FAM167A: variants seen among roughly 807,000 people sequenced by gnomAD.
The protein encoded by FAM167A is family with sequence similarity 167 member A.
A neutral mutation model predicts 14.9 loss-of-function variants in FAM167A; 23 were observed. That is an observed-to-expected ratio of 1.55 (90% CI 1.11 to 2.19). The LOEUF is 2.19. Among genes scored for constraint, FAM167A ranks in the 30% most tolerant of loss-of-function variants. The pLI is 0.00. For missense variants in FAM167A, 401 were observed against 281.5 expected (o/e 1.42, Z -3.04); for synonymous variants, 174 against 117.7 (o/e 1.48, Z -3.10).
At chr8:11,435,569 A>C (rs548824992) in intron 2 of FAM167A, among the ~76,000 whole-genome samples, 3 of 149,996 alleles carry the variant, frequency 2.0e-5, no homozygotes, top group Admixed American at 1.3e-4. Flanking sequence ...AGTCCTGGAG[A>C]CCTCACTCCT....
intron 1 of FAM167A, among the ~76,000 whole-genome samples, chr8:11,446,852 G>C (rs910016470): frequency 1.3e-5 from 2 of 152,230 alleles, no homozygotes; most frequent in Non-Finnish European, 2.9e-5. Flanking sequence ...GAGGTGCCAG[G>C]ATCTGTTTTG....
In FAM167A at chr8:11,421,703, A is replaced by AGACAT. The variant is rs1250012306; in HGVS notation, c.*2665_*2669dup. 1 of 399,046 alleles carries AGACAT rather than the reference A, an allele frequency of 2.5e-6. No individual in the cohort carries two copies. Among genetic ancestry groups the AGACAT allele is most frequent in the African/African-American group, 2.1e-5 (1 of 48,742 alleles). The allele number at this position is 399,046 out of a possible 1,614,324, so 24.7% of individuals were successfully genotyped here. ...AGCTACTGAGCCCCTGAAGGCATCA[A>AGACAT]GACATGACCACGCATGGCAGTGTCG... On this transcript the variant is annotated 3_prime_UTR_variant, in exon 3 of 3. Coordinates refer to ENST00000284486, the MANE Select transcript of FAM167A (RefSeq NM_053279.3).
At chr8:11,431,710 C>T (rs1001554386) in intron 2 of FAM167A, among the ~76,000 whole-genome samples, 16 of 151,630 alleles carry the variant, frequency 1.1e-4, no homozygotes, top group African/African-American at 1.5e-4. Context: ...CAAGCGTGGC[C>T]GCAGGTGCTG....
At chr8:11,461,101 G>A (rs1807520097) in intron 1 of FAM167A, among the ~76,000 whole-genome samples, 1 of 152,188 alleles carries the variant, frequency 6.6e-6, no homozygotes, top group African/African-American at 2.4e-5. Context: ...CCTGGCTCCT[G>A]GGAGCCACAG....
rs908998254 is a variant in FAM167A, at chr8:11,421,905, C to A, written c.*2468G>T. On this transcript the variant is annotated 3_prime_UTR_variant, in exon 3 of 3. Transcript: ENST00000284486. The stretch of plus-strand genomic sequence containing the variant: ...CACAGAGAGCAGGGACTTCACAAAG[C>A]TGAATTAATGTGGTTAGTTGTGTTC... 2.5e-6 allele frequency: 1 copy of A among 398,376 alleles called. No individual in the cohort carries two copies. The allele number at this position is 398,376 out of a possible 1,614,324, so 24.7% of individuals were successfully genotyped here. A position where few individuals can be genotyped will look rare whatever the true frequency, so the allele number is the denominator to read the frequency against.
chr8:11,436,226 C>T (rs994184561), intron 2 of FAM167A, among the ~76,000 whole-genome samples: 4 of 152,212 alleles, frequency 2.6e-5, no homozygotes, highest in Admixed American at 6.5e-5. Flanking sequence ...ACTGGAGATG[C>T]GGTGGGGACC....
At chr8:11,456,700 C>T (rs1001777932) in intron 1 of FAM167A, among the ~76,000 whole-genome samples, 4 of 151,248 alleles carry the variant, frequency 2.6e-5, no homozygotes, top group African/African-American at 9.7e-5. Context: ...ATGTGCAGAG[C>T]TGTTAGGGAT....
At chr8:11,437,454 A>T (rs1216735180) in intron 2 of FAM167A, among the ~76,000 whole-genome samples, 1 of 152,202 alleles carries the variant, frequency 6.6e-6, no homozygotes, top group Non-Finnish European at 1.5e-5. Context: ...ATCATTTTAC[A>T]ATCACAAAAC....
At chr8:11,448,310 A>G (rs1036771899) in intron 1 of FAM167A, among the ~76,000 whole-genome samples, 4 of 151,892 alleles carry the variant, frequency 2.6e-5, no homozygotes, top group African/African-American at 9.7e-5. Flanking sequence ...GGGGATAATA[A>G]CATCTACCTC....
At chr8:11,450,678 C>G (rs1024822751) in intron 1 of FAM167A, among the ~76,000 whole-genome samples, 1 of 152,230 alleles carries the variant, frequency 6.6e-6, no homozygotes, top group African/African-American at 2.4e-5. Flanking sequence ...CAATGCTGCT[C>G]TCTTTAAATG....
chr8:11,444,256 C>A lies in FAM167A; in HGVS notation c.156G>T (p.Arg52Ser), dbSNP rs1415972137. The A allele has an allele frequency of 3.7e-6, 6 of 1,611,020 alleles. No homozygotes were observed. Among genetic ancestry groups the A allele is most frequent in the Non-Finnish European group, 5.1e-6 (6 of 1,179,446 alleles). Residue 52 changes from arginine to serine, a missense_variant, in exon 2 of 3, where the codon AGG becomes AGT. Transcript: ENST00000284486. Reference sequence around the variant, plus strand: ...GGAAGGGCCAGGTATGCTCCTCCAGCCTGGCCTGCCATTCCAGGTAGGAGG... The same window carrying A: ...GGAAGGGCCAGGTATGCTCCTCCAGACTGGCCTGCCATTCCAGGTAGGAGG... ...RRPSYLEWQA[R>S]LEEHTWPFPR...
At chr8:11,429,943 AAAGT>A (rs1805459733) in intron 2 of FAM167A, among the ~76,000 whole-genome samples, 1 of 152,220 alleles carries the variant, frequency 6.6e-6, no homozygotes, top group South Asian at 2.1e-4. Context: ...TGGCCAAATC[AAAGT>A]AAGAGGTGCA....
At chr8:11,447,334 A>G (rs1585263538) in intron 1 of FAM167A, among the ~76,000 whole-genome samples, 1 of 152,010 alleles carries the variant, frequency 6.6e-6, no homozygotes, top group South Asian at 2.1e-4. Flanking sequence ...GGCAGCTGCC[A>G]CCATACCCAG....
At chr8:11,444,852 G>A in intron 1 of FAM167A, 44 bp from the exon 2 acceptor site, 1 of 989,552 alleles carries the variant, frequency 1.0e-6, no homozygotes, top group South Asian at 4.7e-5. Flanking sequence ...TCCCTGCCCT[G>A]CCACTCAGAG....
At chr8:11,467,073 T>C (rs1237819704), upstream of FAM167A, among the ~76,000 whole-genome samples, 1 of 152,206 alleles carries the variant, frequency 6.6e-6, no homozygotes, top group East Asian at 1.9e-4. Context: ...GTCAGAAGTT[T>C]GTCCGCATGG....
At chr8:11,460,840 A>T (rs1177441567) in intron 1 of FAM167A, among the ~76,000 whole-genome samples, 1 of 152,094 alleles carries the variant, frequency 6.6e-6, no homozygotes, top group African/African-American at 2.4e-5. Flanking sequence ...TGTCTAGGAA[A>T]CAGGGAAACC....
chr8:11,465,734 G>A (rs1007031841), intron 1 of FAM167A, among the ~76,000 whole-genome samples: 4 of 152,330 alleles, frequency 2.6e-5, no homozygotes, highest in African/African-American at 9.6e-5. Flanking sequence ...AGCTGCTTTG[G>A]AGCATGTGCC....
intron 2 of FAM167A, among the ~76,000 whole-genome samples, chr8:11,429,184 G>C (rs1805396657): frequency 6.6e-6 from 1 of 152,110 alleles, no homozygotes; most frequent in Admixed American, 6.5e-5. Context: ...ACTACTCTAA[G>C]AACCTCACAG....
At chr8:11,440,252 C>G (rs1053668491) in intron 2 of FAM167A, among the ~76,000 whole-genome samples, 2 of 152,198 alleles carry the variant, frequency 1.3e-5, no homozygotes, top group African/African-American at 4.8e-5. Flanking sequence ...AGCTCCGCCC[C>G]GGGGAGCCCA....
Sources: allele counts gnomAD v4.1 joint callset (sites outside exome capture counted in the v4.1 genomes callset), GRCh38; gene constraint gnomAD v4.1.1; transcripts MANE v1.5; gene names NCBI Gene and HGNC (gene_info 2026-07-23, HGNC 2026-07-21).